Variants in SLC38A11 observed in about 807,000 individuals in gnomAD.
The protein encoded by SLC38A11 is putative sodium-coupled neutral amino acid transporter 11.
SLC38A11 carries 51 observed loss-of-function variants against 49.4 expected under a neutral mutation model. That is an observed-to-expected ratio of 1.03 (90% CI 0.83 to 1.30). The LOEUF is 1.30. Among genes scored for constraint, SLC38A11 ranks in the 50% most tolerant of loss-of-function variants. The pLI is 0.00. For missense variants in SLC38A11, 574 were observed against 556.2 expected, an observed-to-expected ratio of 1.03 and a Z score of -0.32; for synonymous variants, 203 against 192.9, an observed-to-expected ratio of 1.05 and a Z score of -0.43.
chr2:164,902,542 A>T lies in SLC38A11; in HGVS notation c.1096-3812T>A, dbSNP rs1026255246. ...GAATAGTATAATGAAATCCTATGCA[A>T]CTATCACCTATGGTTTAAAAGCTTT... On this transcript the variant is annotated intron_variant, in intron 11 of 11. Transcript: ENST00000685975. Among the ~76,000 whole-genome samples the T allele has an allele frequency of 3.9e-5, 6 of 152,198 alleles. No homozygotes were observed. In the East Asian group the frequency reaches 1.2e-3, roughly 29 times the overall value.
rs775750017 is a variant in SLC38A11, at chr2:164,915,920, A to C, written c.671T>G (p.Val224Gly). The C allele has an allele frequency of 6.2e-7, 1 of 1,602,814 alleles. No individual in the cohort carries two copies. Among genetic ancestry groups the C allele is most frequent in the African/African-American group, 1.3e-5 (1 of 74,810 alleles). The change falls in exon 8 of 12, where the codon GTC (valine) becomes GGC (glycine). Residue 224 changes from valine (V) to glycine (G), a missense_variant. Physicochemically the swap from Val to Gly is moderately radical, Grantham distance 109. Coordinates refer to ENST00000685975, the MANE Select transcript of SLC38A11 (RefSeq NM_001351537.2). ...ATACTCACCAAAAGACATAACCCCG[A>C]CCGCTTGAATGGCATTGGGCTTTGC... is the stretch of plus-strand genomic sequence containing the variant. ...VFAKPNAIQA[V>G]GVMSFAFICH...
intron 11 of SLC38A11, among the ~76,000 whole-genome samples, chr2:164,900,671 A>G (rs1684592827): frequency 6.6e-6 from 1 of 151,940 alleles, no homozygotes; most frequent in South Asian, 2.1e-4. Flanking sequence ...CTATTGAGTT[A>G]TTAGAATTAT....
rs1684436910 is a variant in SLC38A11 at position 164,898,356 on chromosome 2, A to G, written c.*81T>C. The G allele has an allele frequency of 9.7e-7, 1 of 1,028,584 alleles. No homozygotes were observed. The highest frequency in any genetic ancestry group is 2.7e-5 in the Admixed American group (1 of 36,846). The allele number at this position is 1,028,584 out of a possible 1,614,324, so 63.7% of individuals were successfully genotyped here. On this transcript the variant is annotated 3_prime_UTR_variant, in exon 12 of 12. Coordinates refer to ENST00000685975, the MANE Select transcript of SLC38A11 (RefSeq NM_001351537.2). ...AAAGCCAAAATAATAATTTTATATA[A>G]CATAAATACAGACTAAAGCAAGCGT... is the stretch of plus-strand genomic sequence containing the variant.
intron 3 of SLC38A11, among the ~76,000 whole-genome samples, chr2:164,950,777 T>G (rs1688468537): frequency 6.6e-6 from 1 of 152,168 alleles, no homozygotes; most frequent in Non-Finnish European, 1.5e-5. Flanking sequence ...AACTTGCTGT[T>G]GAACTGAACA....
At chr2:164,952,678 C>T (rs1396148809) in intron 3 of SLC38A11, 29 bp downstream of exon 3, 1 of 1,447,818 alleles carries the variant, frequency 6.9e-7, no homozygotes, top group Non-Finnish European at 9.7e-7. Context: ...GTTGAAGTTG[C>T]AGAAATAAGA....
intron 7 of SLC38A11, among the ~76,000 whole-genome samples, chr2:164,935,253 G>A (rs1183876372): frequency 6.7e-6 from 1 of 149,744 alleles, no homozygotes; most frequent in African/African-American, 2.4e-5. Flanking sequence ...TGCTAATTCA[G>A]GCCTCTCTCT....
chr2:164,904,979 A>T (rs1448547405), intron 11 of SLC38A11, among the ~76,000 whole-genome samples: 1 of 152,124 alleles, frequency 6.6e-6, no homozygotes, highest in African/African-American at 2.4e-5. Flanking sequence ...AACTAGTATG[A>T]CCTCAGAGTA....
At chr2:164,902,636 G>A (rs1348879829) in intron 11 of SLC38A11, among the ~76,000 whole-genome samples, 1 of 152,096 alleles carries the variant, frequency 6.6e-6, no homozygotes, top group Admixed American at 6.6e-5. Flanking sequence ...GTTGGATGAT[G>A]TAAAATTATA....
chr2:164,948,905 T>C (rs11693434), intron 3 of SLC38A11, among the ~76,000 whole-genome samples: 44,017 of 147,798 alleles, frequency 0.3, 6,731 homozygotes, highest in South Asian at 0.39. Flanking sequence ...TTTTTTTTTT[T>C]CATAAATACT....
At chr2:164,927,398 A>G (rs893174845) in intron 7 of SLC38A11, among the ~76,000 whole-genome samples, 4 of 152,186 alleles carry the variant, frequency 2.6e-5, no homozygotes, top group African/African-American at 9.7e-5. Flanking sequence ...GTTTTTCAAA[A>G]GAGATAATAT....
chr2:164,924,827 T>C (rs1391823690), intron 7 of SLC38A11, among the ~76,000 whole-genome samples: 1 of 152,018 alleles, frequency 6.6e-6, no homozygotes, highest in Non-Finnish European at 1.5e-5. Context: ...CTCTGCCTCC[T>C]GGGTTCACGC....
chr2:164,916,490 T>C (rs1026365545), intron 7 of SLC38A11, among the ~76,000 whole-genome samples: 8 of 152,168 alleles, frequency 5.3e-5, no homozygotes, highest in African/African-American at 9.6e-5. Flanking sequence ...TGTTATCTCA[T>C]TTAATTTTCA....
chr2:164,924,356 T>C (rs1686419105), intron 7 of SLC38A11, among the ~76,000 whole-genome samples: 1 of 151,958 alleles, frequency 6.6e-6, no homozygotes, highest in Non-Finnish European at 1.5e-5. Context: ...GGGGCAAAGG[T>C]TGAAAAAATA....
At chr2:164,919,542 C>G (rs1290497552) in intron 7 of SLC38A11, among the ~76,000 whole-genome samples, 2 of 152,102 alleles carry the variant, frequency 1.3e-5, no homozygotes, top group South Asian at 2.1e-4. Flanking sequence ...CATGCATACA[C>G]AGTTGTCCCT....
chr2:164,944,836 G>A (rs1183272425), intron 4 of SLC38A11, among the ~76,000 whole-genome samples: 2 of 152,114 alleles, frequency 1.3e-5, no homozygotes, highest in African/African-American at 4.8e-5. Flanking sequence ...ATTAAAAAAA[G>A]ATTTTCTCTT....
chr2:164,946,965 T>C (rs1475102477), intron 3 of SLC38A11, among the ~76,000 whole-genome samples: 1 of 152,114 alleles, frequency 6.6e-6, no homozygotes, highest in Non-Finnish European at 1.5e-5. Context: ...TTGTCGTTGT[T>C]GATCATTCCT....
chr2:164,939,914 T>C (rs1354007833), intron 5 of SLC38A11, among the ~76,000 whole-genome samples: 1 of 151,584 alleles, frequency 6.6e-6, no homozygotes, highest in Non-Finnish European at 1.5e-5. Context: ...AAACATTATG[T>C]CACTCCCTGC....
intron 7 of SLC38A11, among the ~76,000 whole-genome samples, chr2:164,920,278 T>TAGAAAAAAACAAAAAA (rs1686096693): frequency 7.5e-6 from 1 of 133,982 alleles, no homozygotes; most frequent in African/African-American, 2.8e-5. Flanking sequence ...AAGACTCCGT[T>TAGAAAAAAACAAAAAA]AAAAAAAAAA....
chr2:164,948,974 GCCAGTC>G (rs1688329556), intron 3 of SLC38A11, among the ~76,000 whole-genome samples: 1 of 147,216 alleles, frequency 6.8e-6, no homozygotes, highest in Admixed American at 6.9e-5. Flanking sequence ...TAGGTTAAAT[GCCAGTC>G]TCTGTCATCA....
Sources: gnomAD v4.1 joint callset for allele counts (sites outside exome capture counted in the v4.1 genomes callset) on GRCh38, gnomAD v4.1.1 for gene constraint, MANE v1.5 for transcripts, NCBI Gene and HGNC (gene_info 2026-07-23, HGNC 2026-07-21) for gene names.